Variants in PRR16 observed in about 807,000 individuals in gnomAD.
The protein encoded by PRR16 is proline rich 16, also known as protein Largen.
In PRR16, 6 loss-of-function variants were observed where a neutral mutation model predicts 18.2. The ratio of observed to expected loss-of-function variants is 0.33; its 90% confidence interval spans 0.18 to 0.65. PRR16 has a LOEUF of 0.65. Ranked by LOEUF, PRR16 falls within the 30% of genes least tolerant of loss-of-function variation. The pLI is 0.74. For synonymous variants in PRR16, 151 were observed against 147.8 expected (o/e 1.02, Z -0.16); for missense variants, 412 against 376.6 (o/e 1.09, Z -0.78).
the PRR16 span, among the ~76,000 whole-genome samples, chr5:120,747,057 A>C: frequency 6.6e-6 from 1 of 152,194 alleles, no homozygotes; most frequent in Non-Finnish European, 1.5e-5. Context: ...CAAGAGATTC[A>C]TTTCGTTATT....
chr5:120,660,872 T>C (rs1183948992), intron 1 of PRR16, among the ~76,000 whole-genome samples: 2 of 152,126 alleles, frequency 1.3e-5, no homozygotes, highest in Admixed American at 1.3e-4. Flanking sequence ...TTCTTTTCTA[T>C]GTTTGATATG....
At chr5:120,492,197 A>C (rs1307279775) in intron 1 of PRR16, among the ~76,000 whole-genome samples, 5 of 149,196 alleles carry the variant, frequency 3.4e-5, no homozygotes, top group East Asian at 2.0e-4. Flanking sequence ...TGATCCACCA[A>C]CCTCAGCCTT....
chr5:120,485,994 G>A (rs910885343), intron 1 of PRR16, among the ~76,000 whole-genome samples: 3 of 152,092 alleles, frequency 2.0e-5, no homozygotes, highest in South Asian at 4.1e-4. Flanking sequence ...ATTTCTTATG[G>A]CTGCATAGTA....
At chr5:120,707,672 TA>T in the PRR16 span, among the ~76,000 whole-genome samples, 1 of 152,222 alleles carries the variant, frequency 6.6e-6, no homozygotes, top group African/African-American at 2.4e-5. Context: ...AATTTCCGTT[TA>T]CCCTCTTTAA....
At chr5:120,495,071 G>GT (rs556388982) in intron 1 of PRR16, among the ~76,000 whole-genome samples, 9 of 150,604 alleles carry the variant, frequency 6.0e-5, no homozygotes, top group East Asian at 3.9e-4. Context: ...TATAATTTAT[G>GT]TTTTTTTTTC....
chr5:120,764,024 A>G, the PRR16 span, among the ~76,000 whole-genome samples: 5 of 152,070 alleles, frequency 3.3e-5, no homozygotes, highest in African/African-American at 1.2e-4. Flanking sequence ...GTTTGGCTTC[A>G]CGTTTATAAG....
the PRR16 span, among the ~76,000 whole-genome samples, chr5:120,773,791 T>G: frequency 6.6e-6 from 1 of 152,092 alleles, no homozygotes; most frequent in African/African-American, 2.4e-5. Context: ...ATGTCTAGTT[T>G]ACTGAAAAAT....
chr5:120,646,849 G>C (rs936755922), intron 1 of PRR16, among the ~76,000 whole-genome samples: 3 of 152,016 alleles, frequency 2.0e-5, no homozygotes, highest in African/African-American at 7.2e-5. Flanking sequence ...ATTAGCAATG[G>C]AATAACTAAG....
chr5:120,633,012 A>G (rs1339034644), intron 1 of PRR16, among the ~76,000 whole-genome samples: 4 of 152,192 alleles, frequency 2.6e-5, no homozygotes, highest in African/African-American at 9.6e-5. Context: ...AGGAAAACCT[A>G]TCAGATTTAC....
intron 1 of PRR16, among the ~76,000 whole-genome samples, chr5:120,627,762 C>T (rs1754914449): frequency 6.6e-6 from 1 of 152,028 alleles, no homozygotes; most frequent in African/African-American, 2.4e-5. Context: ...TTATTCTTCC[C>T]CCAAAATATT....
At chr5:120,691,248 C>T (rs951563443), downstream of PRR16, among the ~76,000 whole-genome samples, 9 of 152,078 alleles carry the variant, frequency 5.9e-5, no homozygotes, top group African/African-American at 2.2e-4. Flanking sequence ...TCTTCATAGC[C>T]CCGAACTTCG....
intron 1 of PRR16, among the ~76,000 whole-genome samples, chr5:120,465,478 G>A (rs1228657889): frequency 5.3e-5 from 8 of 152,162 alleles, no homozygotes; most frequent in Admixed American, 5.2e-4. Context: ...ATCCCACTTC[G>A]GTTCAGCCCT....
chr5:120,743,952 T>A, the PRR16 span, among the ~76,000 whole-genome samples: 1 of 152,170 alleles, frequency 6.6e-6, no homozygotes, highest in East Asian at 1.9e-4. Flanking sequence ...AGTAGCAGTG[T>A]AGCATTGGTC....
the PRR16 span, among the ~76,000 whole-genome samples, chr5:120,764,051 T>C: frequency 8.5e-5 from 13 of 152,158 alleles, no homozygotes; most frequent in African/African-American, 3.1e-4. Flanking sequence ...GAACTTTTAT[T>C]TCTTTCTCTT....
the PRR16 span, among the ~76,000 whole-genome samples, chr5:120,711,320 C>G: frequency 1.8e-4 from 27 of 152,212 alleles, no homozygotes; most frequent in African/African-American, 6.3e-4. Flanking sequence ...TTGATTTTTT[C>G]TGTTTTCTCC....
chr5:120,705,037 A>G, the PRR16 span, among the ~76,000 whole-genome samples: 1 of 152,034 alleles, frequency 6.6e-6, no homozygotes, highest in South Asian at 2.1e-4. Flanking sequence ...CATTACTTTA[A>G]CACTTTAAGT....
the PRR16 span, among the ~76,000 whole-genome samples, chr5:120,767,491 GTGAAGGGTTACAAATGCAGCATT>G: frequency 2.9e-4 from 44 of 151,984 alleles, no homozygotes; most frequent in African/African-American, 9.9e-4. Flanking sequence ...AAAGACATAA[GTGAAGGGTTACAAATGCAGCATT>G]AGCTGTTCTC....
At chr5:120,709,842 C>A in the PRR16 span, among the ~76,000 whole-genome samples, 3 of 152,082 alleles carry the variant, frequency 2.0e-5, no homozygotes, top group Admixed American at 1.3e-4. Context: ...AATAATATTC[C>A]ATTGTATTTA....
chr5:120,700,799 C>T, the PRR16 span, among the ~76,000 whole-genome samples: 1 of 152,120 alleles, frequency 6.6e-6, no homozygotes, highest in Non-Finnish European at 1.5e-5. Flanking sequence ...TTACCCAAAG[C>T]TCGGCGTCGG....
Sources: gnomAD v4.1 joint callset for allele counts (sites outside exome capture counted in the v4.1 genomes callset) on GRCh38, gnomAD v4.1.1 for gene constraint, MANE v1.5 for transcripts, NCBI Gene and HGNC (gene_info 2026-07-23, HGNC 2026-07-21) for gene names.